Variants in ATXN7L1 observed in about 807,000 individuals in gnomAD.
ATXN7L1 encodes ataxin-7-like protein 1.
In ATXN7L1, 15 loss-of-function variants were observed where a neutral mutation model predicts 70.8. The ratio of observed to expected loss-of-function variants is 0.21; its 90% CI spans 0.14 to 0.33. ATXN7L1 has a LOEUF of 0.33. ATXN7L1 is among the 10% of genes least tolerant of loss of function. ATXN7L1 has a pLI of 1.00. For synonymous variants in ATXN7L1, 440 were observed against 445.1 expected, an observed-to-expected ratio of 0.99 and a Z score of 0.14; for missense variants, 975 against 1,097.1, an observed-to-expected ratio of 0.89 and a Z score of 1.57.
chr7:105,738,587 C>T (rs1041075284), intron 3 of ATXN7L1, among the ~76,000 whole-genome samples: 1 of 152,226 alleles, frequency 6.6e-6, no homozygotes, highest in Non-Finnish European at 1.5e-5. Context: ...ATTCTTATCC[C>T]TATTTTGTAA....
chr7:105,778,954 CA>C (rs1448974644), intron 3 of ATXN7L1, among the ~76,000 whole-genome samples: 1 of 152,210 alleles, frequency 6.6e-6, no homozygotes. Context: ...CAGAGAAGAT[CA>C]GTGGTGTGGA....
intron 3 of ATXN7L1, among the ~76,000 whole-genome samples, chr7:105,673,892 G>A (rs1804183369): frequency 6.6e-6 from 1 of 152,254 alleles, no homozygotes; most frequent in Admixed American, 6.5e-5. Context: ...TACTGCCATG[G>A]TGTAAGGGGG....
chr7:105,849,688 T>C (rs1814595117), intron 2 of ATXN7L1, among the ~76,000 whole-genome samples: 1 of 152,348 alleles, frequency 6.6e-6, no homozygotes, highest in African/African-American at 2.4e-5. Flanking sequence ...CCAGGGGCCC[T>C]GAGGTCACTG....
chr7:105,686,809 T>C (rs938666065), intron 3 of ATXN7L1, among the ~76,000 whole-genome samples: 9 of 152,200 alleles, frequency 5.9e-5, no homozygotes, highest in African/African-American at 2.4e-5. Context: ...AGTCGAACCA[T>C]TGTAAGTCAG....
At chr7:105,697,041 T>C (rs1278090689) in intron 3 of ATXN7L1, among the ~76,000 whole-genome samples, 1 of 152,196 alleles carries the variant, frequency 6.6e-6, no homozygotes, top group Admixed American at 6.5e-5. Context: ...AGACATCAAG[T>C]ACTTAACAGG....
At chr7:105,840,056 AGAG>A (rs1175833070) in intron 2 of ATXN7L1, among the ~76,000 whole-genome samples, 1 of 152,160 alleles carries the variant, frequency 6.6e-6, no homozygotes, top group East Asian at 1.9e-4. Flanking sequence ...CAGAGGAGTC[AGAG>A]GAGAGGGTGA....
In ATXN7L1 at chr7:105,665,181, G is replaced by T. The variant is rs764344707; in HGVS notation, c.463C>A (p.His155Asn). ...QVKTKACLSG[H>N]HSASSTSKPF... ...TTTGAGGTGCTGCTGGCAGAGTGAT[G>T]GCCGCTGAGACAGGCTTTTGTTTTC... is the stretch of plus-strand genomic sequence containing the variant. Residue 155 changes from histidine (H) to asparagine (N), a missense_variant, in exon 4 of 12, where the codon CAT becomes AAT. By Grantham distance (68) the His-to-Asn change is moderately conservative (BLOSUM62 1). Around this residue, in one of 5 missense-constraint regions of ATXN7L1, gnomAD observed 192 missense variants for 215.5 expected, o/e 0.89. Transcript: ENST00000419735. 2.6e-6 allele frequency: 4 copies of T among 1,551,688 alleles called. No individual in the cohort carries two copies. In the South Asian group the frequency reaches 4.8e-5, roughly 18 times the overall value.
chr7:105,793,644 A>G (rs370557768), intron 2 of ATXN7L1, among the ~76,000 whole-genome samples: 21 of 152,208 alleles, frequency 1.4e-4, no homozygotes, highest in African/African-American at 2.2e-4. Flanking sequence ...CATGTGCCCA[A>G]TGAAGACGGA....
At chr7:105,624,022 T>C in intron 8 of ATXN7L1, 53 bp downstream of exon 8, 5 of 1,329,762 alleles carry the variant, frequency 3.8e-6, no homozygotes, top group Non-Finnish European at 4.9e-6. Context: ...ATCACCTAAG[T>C]GTCTGCAAAG....
intron 4 of ATXN7L1, among the ~76,000 whole-genome samples, chr7:105,650,461 T>C (rs1003595462): frequency 1.3e-5 from 2 of 152,224 alleles, no homozygotes; most frequent in South Asian, 2.1e-4. Flanking sequence ...AGAGGAAGCA[T>C]AGTGTCTAAT....
intron 2 of ATXN7L1, among the ~76,000 whole-genome samples, chr7:105,790,542 C>T (rs898994549): frequency 6.6e-6 from 1 of 151,982 alleles, no homozygotes; most frequent in Non-Finnish European, 1.5e-5. Flanking sequence ...GATCACACCA[C>T]TGCACTCCAG....
At chr7:105,796,115 A>C (rs1265244566) in intron 2 of ATXN7L1, among the ~76,000 whole-genome samples, 2 of 152,226 alleles carry the variant, frequency 1.3e-5, no homozygotes, top group Admixed American at 1.3e-4. Context: ...CTGTAATCCC[A>C]GCACTTTGGG....
chr7:105,649,656 C>G (rs1799571696), intron 4 of ATXN7L1: 2 of 814,120 alleles, frequency 2.5e-6, no homozygotes, highest in South Asian at 1.1e-4. Context: ...CTACGCTTTC[C>G]TGGTGATCAT....
At chr7:105,800,858 A>G (rs1260476637) in intron 2 of ATXN7L1, among the ~76,000 whole-genome samples, 1 of 152,232 alleles carries the variant, frequency 6.6e-6, no homozygotes, top group Non-Finnish European at 1.5e-5. Context: ...TAGGTATTCA[A>G]TTAAATGCTC....
intron 3 of ATXN7L1, among the ~76,000 whole-genome samples, chr7:105,765,610 TA>T (rs1801150140): frequency 6.6e-6 from 1 of 152,150 alleles, no homozygotes; most frequent in Non-Finnish European, 1.5e-5. Flanking sequence ...TGGGAAAACA[TA>T]AAAGGAAATA....
chr7:105,693,587 T>A (rs138523050), intron 3 of ATXN7L1, among the ~76,000 whole-genome samples: 1 of 148,126 alleles, frequency 6.8e-6, no homozygotes, highest in Non-Finnish European at 1.5e-5. Flanking sequence ...ATCCATCTAA[T>A]TTGAAGAATA....
chr7:105,807,312 T>C (rs985336083), intron 2 of ATXN7L1, among the ~76,000 whole-genome samples: 9 of 152,360 alleles, frequency 5.9e-5, no homozygotes, highest in Admixed American at 5.9e-4. Context: ...CCTGATGTCA[T>C]ACTGCTGGTA....
At chr7:105,811,744 A>G (rs1808469348) in intron 2 of ATXN7L1, among the ~76,000 whole-genome samples, 1 of 152,198 alleles carries the variant, frequency 6.6e-6, no homozygotes. Context: ...TGGGAGAAGC[A>G]GAAACTGGCA....
chr7:105,642,865 T>C lies in ATXN7L1; in HGVS notation c.835A>G (p.Ser279Gly). 1.3e-6 allele frequency: 2 copies of C among 1,551,730 alleles called. No homozygotes were observed. The highest frequency in any genetic ancestry group is 3.3e-4 in the Middle Eastern group (2 of 5,992). Residue 279 changes from serine (S) to glycine (G), a missense_variant, in exon 5 of 12, where the codon AGC becomes GGC. Ser to Gly is a moderately conservative substitution (Grantham distance 56, BLOSUM62 0). Coordinates refer to ENST00000419735, the MANE Select transcript of ATXN7L1 (RefSeq NM_020725.2). ...DKKHQNGTKN[S>G]NKPYRRLSER... is the part of the protein sequence containing the mutation. ...GAAAGTCTCCTGTAAGGCTTGTTGCTGTTTTTGGTGCCATTTTGGTGTTTC... is the reference window on the plus strand; with the variant it reads ...GAAAGTCTCCTGTAAGGCTTGTTGCCGTTTTTGGTGCCATTTTGGTGTTTC...
Sources: gnomAD v4.1 joint callset for allele counts (sites outside exome capture counted in the v4.1 genomes callset) on GRCh38, gnomAD v4.1.1 for gene constraint, gnomAD v4.1.1 regional missense constraint, MANE v1.5 for transcripts, NCBI Gene and HGNC (gene_info 2026-07-23, HGNC 2026-07-21) for gene names.